RBMS3: variants seen among roughly 807,000 people sequenced by gnomAD.
RBMS3 encodes the protein RNA binding motif single stranded interacting protein 3, also known as RNA-binding motif, single-stranded-interacting protein 3.
RBMS3 carries 27 observed loss-of-function variants against 66.8 expected under a neutral mutation model. The observed-to-expected ratio is 0.40, with a 90% CI of 0.30 to 0.56. The LOEUF is 0.56. Ranked by LOEUF, RBMS3 falls within the 20% of genes least tolerant of loss-of-function variation. The probability of loss-of-function intolerance (pLI) is 0.40; values close to 1 mark genes in which losing one functional copy is unlikely to be tolerated. For synonymous variants in RBMS3, 188 were observed against 183.0 expected (o/e 1.03, Z -0.22); for missense variants, 513 against 549.5 (o/e 0.93, Z 0.66).
chr3:29,976,535 T>C (rs139635988), intron 12 of RBMS3, among the ~76,000 whole-genome samples: 34 of 152,140 alleles, frequency 2.2e-4, no homozygotes, highest in Admixed American at 5.9e-4. Flanking sequence ...CTGACAGAAG[T>C]AGAAAGAATA....
At chr3:29,838,203 A>T (rs895411049) in intron 6 of RBMS3, among the ~76,000 whole-genome samples, 2 of 146,316 alleles carry the variant, frequency 1.4e-5, no homozygotes, top group African/African-American at 5.0e-5. Flanking sequence ...GCCAGCTGTG[A>T]TGGTGTGCAC....
intron 1 of RBMS3, among the ~76,000 whole-genome samples, chr3:29,291,833 C>A (rs774869168): frequency 6.6e-6 from 1 of 151,718 alleles, no homozygotes; most frequent in African/African-American, 2.4e-5. Context: ...GCTAGACCCA[C>A]TATCACTCTC....
chr3:29,469,402 A>C (rs915981312), intron 2 of RBMS3, among the ~76,000 whole-genome samples: 1 of 152,048 alleles, frequency 6.6e-6, no homozygotes. Context: ...GAGAATGTTA[A>C]TAACAGCAAT....
chr3:29,388,635 C>T (rs887468388), intron 1 of RBMS3, among the ~76,000 whole-genome samples: 1 of 152,178 alleles, frequency 6.6e-6, no homozygotes, highest in African/African-American at 2.4e-5. Context: ...AGTGCAGTGG[C>T]GCGATCTCGG....
intron 1 of RBMS3, among the ~76,000 whole-genome samples, chr3:29,365,586 C>G (rs1238672846): frequency 6.6e-6 from 1 of 152,070 alleles, no homozygotes; most frequent in Admixed American, 6.6e-5. Flanking sequence ...CGTTAAGTCT[C>G]TTTGTATTCG....
chr3:30,001,763 GTTAT>G (rs5847610), intron 14 of RBMS3, among the ~76,000 whole-genome samples: 2,407 of 151,110 alleles, frequency 0.016, 65 homozygotes, highest in African/African-American at 0.055. Context: ...CTGTTTTCAA[GTTAT>G]TTCTTTTTAT....
chr3:29,684,823 T>C lies in RBMS3; in HGVS notation c.400-54897T>C, dbSNP rs543394356. On this transcript the variant is annotated intron_variant, in intron 4 of 14. Coordinates refer to ENST00000383767, the MANE Select transcript of RBMS3 (RefSeq NM_001003793.3). Reference sequence around the variant, plus strand: ...ACACACACACACACACACAGACACATACACTGAGCTAAAGAGGATGGTCTT... The same window carrying C: ...ACACACACACACACACACAGACACACACACTGAGCTAAAGAGGATGGTCTT... 1.5e-3 allele frequency among the ~76,000 whole-genome samples: 226 copies of C among 145,880 alleles called. 1 individual carries two copies. The highest frequency in any genetic ancestry group is 5.8e-3 in the African/African-American group (214 of 36,916).
chr3:29,399,610 T>A (rs371756032), intron 1 of RBMS3, among the ~76,000 whole-genome samples: 1 of 152,196 alleles, frequency 6.6e-6, no homozygotes, highest in East Asian at 1.9e-4. Flanking sequence ...ATTACATCAA[T>A]GTCCTGAATT....
At chr3:29,523,272 G>C (rs915045512) in intron 3 of RBMS3, among the ~76,000 whole-genome samples, 3 of 152,106 alleles carry the variant, frequency 2.0e-5, no homozygotes, top group South Asian at 4.1e-4. Flanking sequence ...CGACGTAGCA[G>C]GTGCTCATTA....
chr3:29,640,730 G>C (rs1049899800), intron 4 of RBMS3, among the ~76,000 whole-genome samples: 5 of 151,782 alleles, frequency 3.3e-5, no homozygotes, highest in Non-Finnish European at 7.4e-5. Context: ...TTGTTTTAAA[G>C]TAGCTTTTTA....
intron 3 of RBMS3, among the ~76,000 whole-genome samples, chr3:29,540,534 GT>G (rs1299389469): frequency 6.6e-6 from 1 of 152,062 alleles, no homozygotes; most frequent in African/African-American, 2.4e-5. Flanking sequence ...AACATATATT[GT>G]TTTTCTGATC....
intron 4 of RBMS3, 146 bp downstream of exon 4, chr3:29,587,351 C>G (rs2047569359): frequency 2.0e-6 from 1 of 497,478 alleles, no homozygotes; most frequent in Non-Finnish European, 3.2e-6. Flanking sequence ...TGAGCTCACT[C>G]AAACGTGGAG....
At chr3:29,417,057 A>G (rs1054347562) in intron 1 of RBMS3, among the ~76,000 whole-genome samples, 7 of 152,120 alleles carry the variant, frequency 4.6e-5, no homozygotes, top group African/African-American at 1.7e-4. Context: ...AAATAGTATG[A>G]AATTACTCTC....
chr3:29,969,782 G>A (rs1437350978), intron 12 of RBMS3, among the ~76,000 whole-genome samples: 2 of 152,074 alleles, frequency 1.3e-5, no homozygotes, highest in African/African-American at 4.8e-5. Context: ...AAGAAATGTG[G>A]ATTATCATCA....
intron 3 of RBMS3, among the ~76,000 whole-genome samples, chr3:29,554,862 C>G (rs1048150127): frequency 6.6e-6 from 1 of 152,068 alleles, no homozygotes; most frequent in African/African-American, 2.4e-5. Flanking sequence ...TAAAGAGTTT[C>G]AATTCCTCTG....
At chr3:29,930,049 G>A (rs763071924) in intron 10 of RBMS3, among the ~76,000 whole-genome samples, 4 of 149,062 alleles carry the variant, frequency 2.7e-5, no homozygotes, top group Non-Finnish European at 4.5e-5. Context: ...GATCTAAAAT[G>A]TGCTATTAGT....
At chr3:29,683,328 A>T (rs2051575853) in intron 4 of RBMS3, among the ~76,000 whole-genome samples, 1 of 152,174 alleles carries the variant, frequency 6.6e-6, no homozygotes, top group Non-Finnish European at 1.5e-5. Context: ...TCCAAGGGGG[A>T]TAGACAAGAG....
intron 4 of RBMS3, among the ~76,000 whole-genome samples, chr3:29,696,809 C>T (rs913475041): frequency 6.6e-6 from 1 of 152,096 alleles, no homozygotes; most frequent in South Asian, 2.1e-4. Flanking sequence ...CAGGTCAATA[C>T]CCTAGGGCAA....
chr3:29,918,662 A>G (rs1421655969), intron 10 of RBMS3, among the ~76,000 whole-genome samples: 1 of 152,166 alleles, frequency 6.6e-6, no homozygotes, highest in Non-Finnish European at 1.5e-5. Context: ...TACTGTTTGC[A>G]CTTTATAAAA....
Sources: allele counts gnomAD v4.1 joint callset (sites outside exome capture counted in the v4.1 genomes callset), GRCh38; gene constraint gnomAD v4.1.1; transcripts MANE v1.5; gene names NCBI Gene and HGNC (gene_info 2026-07-23, HGNC 2026-07-21).